Variants in NAMPT observed in about 807,000 individuals in gnomAD.
The protein encoded by NAMPT is nicotinamide phosphoribosyltransferase.
A neutral mutation model predicts 58.7 loss-of-function variants in NAMPT; 7 were observed. That is an observed-to-expected ratio of 0.12 (90% confidence interval 0.07 to 0.22). The LOEUF (loss-of-function observed/expected upper bound fraction) is 0.22, where lower values mean the gene tolerates loss of function less well. NAMPT is among the 10% of genes least tolerant of loss of function. NAMPT has a pLI of 1.00. For missense variants in NAMPT, 271 were observed against 567.9 expected, an observed-to-expected ratio of 0.48 and a Z score of 5.31; for synonymous variants, 145 against 198.1, an observed-to-expected ratio of 0.73 and a Z score of 2.25.
intron 8 of NAMPT, among the ~76,000 whole-genome samples, chr7:106,257,432 G>GAAAC: frequency 6.8e-6 from 1 of 147,696 alleles, no homozygotes; most frequent in Non-Finnish European, 1.5e-5. Context: ...CCCAGACTGG[G>GAAAC]AAACAGTGAG....
intron 9 of NAMPT, chr7:106,253,465 A>C (rs1229870278): frequency 3.9e-6 from 1 of 254,056 alleles, no homozygotes; most frequent in Non-Finnish European, 7.7e-6. Flanking sequence ...TTTATATTAC[A>C]AACTGCCTTT....
chr7:106,277,354 G>T (rs949255065), intron 1 of NAMPT, among the ~76,000 whole-genome samples, 175 bp from the exon 2 acceptor site: 2 of 152,198 alleles, frequency 1.3e-5, no homozygotes, highest in African/African-American at 4.8e-5. Context: ...TATTTTCAGA[G>T]TTCAGTATCT....
At position 106,251,215 on chromosome 7, in the gene NAMPT, G is replaced by T. The variant is rs370231159; in HGVS notation, c.1366-22C>A. On this transcript the variant is annotated intron_variant, in intron 10 of 10. Coordinates refer to ENST00000222553, the MANE Select transcript of NAMPT (RefSeq NM_005746.3). The stretch of plus-strand genomic sequence containing the variant: ...GATCCTGCATAAATGGAAATTTCAT[G>T]ATTATATTACATTATTAAGCAAAAT... 2.4e-5 allele frequency: 35 copies of T among 1,478,736 alleles called. No individual in the cohort carries two copies. The African/African-American group carries it at 3.2e-4, about 13-fold the overall frequency. 91.6% of individuals were successfully genotyped at this position (1,478,736 alleles called of 1,614,324 possible).
At chr7:106,261,022 C>G (rs1419828369) in intron 8 of NAMPT, among the ~76,000 whole-genome samples, 1 of 152,170 alleles carries the variant, frequency 6.6e-6, no homozygotes, top group Non-Finnish European at 1.5e-5. Context: ...GGAAAAATAG[C>G]ACCAACAGAC....
At chr7:106,267,069 A>C (rs1485781938) in intron 6 of NAMPT, among the ~76,000 whole-genome samples, 1 of 152,218 alleles carries the variant, frequency 6.6e-6, no homozygotes, top group Non-Finnish European at 1.5e-5. Flanking sequence ...GCATGCAATA[A>C]ATATTTACTC....
At chr7:106,251,975 TCTAATA>T (rs530135795) in intron 10 of NAMPT, among the ~76,000 whole-genome samples, 7,443 of 152,152 alleles carry the variant, frequency 0.049, 608 homozygotes, top group African/African-American at 0.17. Flanking sequence ...TATGACATTA[TCTAATA>T]TTTCTGTCAT....
At chr7:106,274,193 C>T (rs1792589748) in intron 3 of NAMPT, among the ~76,000 whole-genome samples, 1 of 151,138 alleles carries the variant, frequency 6.6e-6, no homozygotes, top group Non-Finnish European at 1.5e-5. Context: ...GAGAAACTTC[C>T]CAGAATTATG....
rs1177434673 is a variant in NAMPT, at chr7:106,248,408, C to A, written c.*2675G>T. On this transcript the variant is annotated 3_prime_UTR_variant, in exon 11 of 11. Coordinates refer to ENST00000222553, the MANE Select transcript of NAMPT (RefSeq NM_005746.3). ...TTGGGAGAAAAGCTGACATTCTCCA[C>A]TGAATGGGTTAAAAAGGAATGTAAA... The A allele has an allele frequency of 6.6e-6, 1 of 152,430 alleles. No individual in the cohort carries two copies. The highest frequency in any genetic ancestry group is 2.4e-5 in the African/African-American group (1 of 41,392). 9.4% of individuals were successfully genotyped at this position (152,430 alleles called of 1,614,324 possible). A position where few individuals can be genotyped will look rare whatever the true frequency, so the allele number is the denominator to read the frequency against.
chr7:106,284,732 GCCCCAACCCCA>G, intron 1 of NAMPT, 85 bp downstream of exon 1: 1 of 205,774 alleles, frequency 4.9e-6, no homozygotes, highest in Non-Finnish European at 8.4e-6. Flanking sequence ...CCCAGCCCCA[GCCCCAACCCCA>G]GCCCCAGCCG....
intron 8 of NAMPT, 74 bp downstream of exon 8, chr7:106,261,514 G>T: frequency 1.7e-6 from 2 of 1,167,644 alleles, no homozygotes; most frequent in Non-Finnish European, 2.5e-6. Context: ...TATTTATATT[G>T]TGTTCTTTAT....
chr7:106,273,402 ATG>A (rs1451035676), intron 3 of NAMPT, among the ~76,000 whole-genome samples: 2 of 152,230 alleles, frequency 1.3e-5, no homozygotes, highest in African/African-American at 4.8e-5. Context: ...TAATTTATTT[ATG>A]TGATTTGGGA....
chr7:106,272,580 T>A lies in NAMPT; in HGVS notation c.397A>T (p.Thr133Ser), dbSNP rs1186053767. 6 of 1,611,918 alleles carry A rather than the reference T, an allele frequency of 3.7e-6. No individual in the cohort carries two copies. The highest frequency in any genetic ancestry group is 5.1e-6 in the Non-Finnish European group (6 of 1,178,096). The change falls in exon 4 of 11, where the codon ACG becomes TCG. Residue 133 changes from threonine to serine, a missense_variant. By Grantham distance (58) the Thr-to-Ser change is moderately conservative. Coordinates refer to ENST00000222553, the MANE Select transcript of NAMPT (RefSeq NM_005746.3). ...FVIPRGNVLF[T>S]VENTDPECYW... is the part of the protein sequence containing the mutation. ...CACTCTGGATCTGTGTTTTCCACCGTGAAGAGAACATTTCCTCTGGGAATG... is the reference window on the plus strand; with the variant it reads ...CACTCTGGATCTGTGTTTTCCACCGAGAAGAGAACATTTCCTCTGGGAATG...
chr7:106,274,536 G>GAACTGTAATGATACTC (rs1792597787), intron 3 of NAMPT, among the ~76,000 whole-genome samples: 1 of 152,010 alleles, frequency 6.6e-6, no homozygotes, highest in African/African-American at 2.4e-5. Flanking sequence ...AAACAAAAAA[G>GAACTGTAATGATACTC]AACTGTAATG....
chr7:106,261,049 G>A (rs1480549029), intron 8 of NAMPT, among the ~76,000 whole-genome samples: 1 of 152,172 alleles, frequency 6.6e-6, no homozygotes, highest in Non-Finnish European at 1.5e-5. Flanking sequence ...AACACAGGGT[G>A]GCCACAACCT....
upstream of NAMPT, chr7:106,285,554 C>A: frequency 1.0e-6 from 1 of 986,012 alleles, no homozygotes; most frequent in South Asian, 4.7e-5. Context: ...TGTCTCCGGC[C>A]TGGATTAAGG....
intron 1 of NAMPT, among the ~76,000 whole-genome samples, chr7:106,280,419 T>C (rs928464472): frequency 1.3e-5 from 2 of 152,214 alleles, no homozygotes; most frequent in African/African-American, 2.4e-5. Flanking sequence ...TTTCATAGTA[T>C]TCTAAAGTTA....
In NAMPT at chr7:106,249,433, A is replaced by G. The variant is rs956253627; in HGVS notation, c.*1650T>C. 2 of 152,494 alleles carry G rather than the reference A, an allele frequency of 1.3e-5. No individual in the cohort carries two copies. Among genetic ancestry groups the G allele is most frequent in the African/African-American group, 4.8e-5 (2 of 41,432 alleles). The allele number at this position is 152,494 out of a possible 1,614,324, so 9.4% of individuals were successfully genotyped here. A position where few individuals can be genotyped will look rare whatever the true frequency, so the allele number is the denominator to read the frequency against. ...AAAATTTCACATTTAATGTCATGTTAAAAACTTTTCTAAATCAGTCTTCCA... is the reference window on the plus strand; with the variant it reads ...AAAATTTCACATTTAATGTCATGTTGAAAACTTTTCTAAATCAGTCTTCCA... On this transcript the variant is annotated 3_prime_UTR_variant, in exon 11 of 11. Transcript: ENST00000222553.
In NAMPT at chr7:106,250,106, T is replaced by G. The variant is rs1792081420; in HGVS notation, c.*977A>C. On this transcript the variant is annotated 3_prime_UTR_variant, in exon 11 of 11. Coordinates refer to ENST00000222553, the MANE Select transcript of NAMPT (RefSeq NM_005746.3). ...TAAAAAATATAACAGAATTGAAACA[T>G]TTAAGTACACTCACTACCCACTCCA... The G allele has an allele frequency of 6.6e-6, 1 of 152,448 alleles. No homozygotes were observed. Among genetic ancestry groups the G allele is most frequent in the African/African-American group, 2.4e-5 (1 of 41,416 alleles). 9.4% of individuals were successfully genotyped at this position (152,448 alleles called of 1,614,324 possible). A position where few individuals can be genotyped will look rare whatever the true frequency, so the allele number is the denominator to read the frequency against.
intron 2 of NAMPT, 147 bp downstream of exon 2, chr7:106,276,876 C>CTT: frequency 1.7e-6 from 1 of 597,112 alleles, no homozygotes; most frequent in Non-Finnish European, 2.8e-6. Context: ...TTTCAGAAAA[C>CTT]TTTTCTCATA....
Sources: gnomAD v4.1 joint callset for allele counts (sites outside exome capture counted in the v4.1 genomes callset) on GRCh38, gnomAD v4.1.1 for gene constraint, MANE v1.5 for transcripts, NCBI Gene and HGNC (gene_info 2026-07-23, HGNC 2026-07-21) for gene names.